The following PAPPA variants were observed in gnomAD, a reference collection of about 807,000 sequenced individuals.
PAPPA encodes pappalysin 1, also known as pappalysin-1.
In PAPPA, 60 loss-of-function variants were observed where a neutral mutation model predicts 164.0. That is an observed-to-expected ratio of 0.37 (90% CI 0.30 to 0.45). The LOEUF (loss-of-function observed/expected upper bound fraction) is 0.45. Ranked by LOEUF, PAPPA falls within the 20% of genes least tolerant of loss-of-function variation. The pLI, the probability that PAPPA is intolerant of heterozygous loss-of-function variation, is 1.00. For synonymous variants in PAPPA, 875 were observed against 814.1 expected (o/e 1.07, Z -1.27); for missense variants, 1,782 against 2,087.3 (o/e 0.85, Z 2.85).
intron 8 of PAPPA, among the ~76,000 whole-genome samples, chr9:116,268,404 A>G (rs1845096615): frequency 6.6e-6 from 1 of 152,038 alleles, no homozygotes; most frequent in African/African-American, 2.4e-5. Context: ...TAAACAGAGG[A>G]CTCTCCATGG....
chr9:116,245,002 G>A (rs546626940), intron 7 of PAPPA, among the ~76,000 whole-genome samples: 35 of 152,262 alleles, frequency 2.3e-4, no homozygotes, highest in African/African-American at 6.5e-4. Flanking sequence ...GAATCTTGTC[G>A]TTTGAAGCAG....
At chr9:116,373,725 C>T (rs967107573) in intron 19 of PAPPA, 1 of 152,114 alleles carries the variant, frequency 6.6e-6, no homozygotes, top group African/African-American at 2.4e-5. Flanking sequence ...CTATTTTATA[C>T]TTACAGCTTC....
chr9:116,355,189 C>T (rs1445773951), intron 17 of PAPPA, among the ~76,000 whole-genome samples: 3 of 9,364 alleles, frequency 3.2e-4, no homozygotes, highest in Non-Finnish European at 6.0e-4. Context: ...TGCATCTGCA[C>T]CCTTCCCTGT....
At chr9:116,376,431 T>C (rs1435321478) in intron 19 of PAPPA, among the ~76,000 whole-genome samples, 1 of 152,216 alleles carries the variant, frequency 6.6e-6, no homozygotes, top group Admixed American at 6.5e-5. Context: ...TTGGATTTTA[T>C]GTTATGAGCT....
At chr9:116,272,422 A>G (rs1845147821) in intron 9 of PAPPA, among the ~76,000 whole-genome samples, 1 of 152,238 alleles carries the variant, frequency 6.6e-6, no homozygotes, top group African/African-American at 2.4e-5. Context: ...AGAGGAAAAG[A>G]TAGCATTGCA....
chr9:116,268,006 A>G (rs114486649), intron 8 of PAPPA, among the ~76,000 whole-genome samples: 1,729 of 151,926 alleles, frequency 0.011, 29 homozygotes, highest in African/African-American at 0.04. Context: ...AGGAACATAT[A>G]TGTATATTTA....
intron 13 of PAPPA, among the ~76,000 whole-genome samples, chr9:116,336,890 G>C (rs954624100): frequency 6.6e-6 from 1 of 152,204 alleles, no homozygotes; most frequent in Admixed American, 6.5e-5. Flanking sequence ...GGAAACATGA[G>C]AGAGGACAGG....
At chr9:116,355,155 C>T (rs1846336477) in intron 17 of PAPPA, among the ~76,000 whole-genome samples, 1 of 151,772 alleles carries the variant, frequency 6.6e-6, no homozygotes. Flanking sequence ...CATCCCCACA[C>T]TAGGCTGTGA....
At chr9:116,179,935 C>G (rs1843883622) in intron 1 of PAPPA, among the ~76,000 whole-genome samples, 1 of 152,088 alleles carries the variant, frequency 6.6e-6, no homozygotes, top group Admixed American at 6.5e-5. Context: ...ATGAAAGAAA[C>G]CAGATTGTTG....
At chr9:116,314,078 TTTTTTTTTTTTTG>T (rs1845757163) in intron 10 of PAPPA, among the ~76,000 whole-genome samples, 1 of 135,832 alleles carries the variant, frequency 7.4e-6, no homozygotes, top group African/African-American at 2.9e-5. Flanking sequence ...TTTTTTTTTT[TTTTTTTTTTTTTG>T]AGATGGAGTC....
chr9:116,216,163 G>A (rs1844369128), intron 4 of PAPPA, among the ~76,000 whole-genome samples: 1 of 152,058 alleles, frequency 6.6e-6, no homozygotes, highest in African/African-American at 2.4e-5. Flanking sequence ...AAGACAGAGA[G>A]TTTCACACAA....
At chr9:116,301,779 T>C (rs1845581993) in intron 9 of PAPPA, among the ~76,000 whole-genome samples, 1 of 152,168 alleles carries the variant, frequency 6.6e-6, no homozygotes, top group African/African-American at 2.4e-5. Flanking sequence ...GACAAGCCCT[T>C]AGAAGCCTAT....
chr9:116,358,061 G>A (rs563346949), intron 17 of PAPPA, among the ~76,000 whole-genome samples: 2 of 152,102 alleles, frequency 1.3e-5, no homozygotes, highest in African/African-American at 4.8e-5. Flanking sequence ...TTTCATTTCC[G>A]GGTTGTTAAA....
intron 7 of PAPPA, among the ~76,000 whole-genome samples, chr9:116,249,664 G>A (rs955422466): frequency 6.6e-6 from 1 of 152,156 alleles, no homozygotes; most frequent in Admixed American, 6.5e-5. Flanking sequence ...GAAATGCAGA[G>A]CACCGGGTGG....
intron 1 of PAPPA, among the ~76,000 whole-genome samples, chr9:116,177,551 C>A (rs574386650): frequency 6.6e-6 from 1 of 152,100 alleles, no homozygotes; most frequent in African/African-American, 2.4e-5. Flanking sequence ...AATTTCCAGC[C>A]CTGACTCTGC....
intron 4 of PAPPA, among the ~76,000 whole-genome samples, chr9:116,214,737 C>G (rs946575283): frequency 1.3e-5 from 2 of 152,108 alleles, no homozygotes; most frequent in African/African-American, 4.8e-5. Flanking sequence ...ACAAGAGTTC[C>G]TGGAGGAGGA....
chr9:116,347,266 C>T lies in PAPPA; in HGVS notation c.3964+57C>T. 6.8e-7 allele frequency: 1 copy of T among 1,477,392 alleles called. No individual in the cohort carries two copies. Among genetic ancestry groups the T allele is most frequent in the Non-Finnish European group, 9.2e-7 (1 of 1,087,366 alleles). 91.5% of individuals were successfully genotyped at this position (1,477,392 alleles called of 1,614,324 possible). On this transcript the variant is annotated intron_variant, in intron 15 of 21. Transcript: ENST00000328252. The surrounding 1 kb of genome is among the most constrained non-coding windows in gnomAD (Gnocchi z 4.5). The stretch of plus-strand genomic sequence containing the variant: ...CCTTTGTCTATGGGAAACCTAGAAG[C>T]TGCATCCAGGCCCTCTTTCTGGGTC...
At chr9:116,312,288 C>CTTTTTTTTTTTTTTTTTTTTTTTTTTTTT (rs5900201) in intron 10 of PAPPA, among the ~76,000 whole-genome samples, 12 of 129,638 alleles carry the variant, frequency 9.3e-5, no homozygotes, top group Non-Finnish European at 1.6e-4. Context: ...TTCTTTCTTT[C>CTTTTTTTTTTTTTTTTTTTTTTTTTTTTT]TTTTTTTTTT....
At position 116,214,850 on chromosome 9, in the gene PAPPA, A is replaced by G. The variant is rs573589364; in HGVS notation, c.1918+2918A>G. Among the ~76,000 whole-genome samples, 8 of 152,326 alleles carry G rather than the reference A, an allele frequency of 5.3e-5. No individual in the cohort carries two copies. In the East Asian group the frequency reaches 1.4e-3, roughly 26 times the overall value. On this transcript the variant is annotated intron_variant, in intron 4 of 21. Coordinates refer to ENST00000328252, the MANE Select transcript of PAPPA (RefSeq NM_002581.5). ...TGTGTCATGGCTTCTTAATATGCAC[A>G]CATAGATTGACCCAGCAATTCCACT...
Sources: allele counts gnomAD v4.1 joint callset (sites outside exome capture counted in the v4.1 genomes callset), GRCh38; gene constraint gnomAD v4.1.1; non-coding constraint Gnocchi (gnomAD v3.1); transcripts MANE v1.5; gene names NCBI Gene and HGNC (gene_info 2026-07-23, HGNC 2026-07-21).